ITFG1: variants seen among roughly 807,000 people sequenced by gnomAD.
ITFG1 encodes T-cell immunomodulatory protein.
Under a neutral mutation model 81.8 loss-of-function variants are expected in ITFG1, and 34 were observed. The observed-to-expected ratio is 0.42, with a 90% CI of 0.32 to 0.55. The LOEUF is 0.55. Among genes scored for constraint, ITFG1 ranks in the 20% least tolerant of loss-of-function variants. The pLI, the probability that ITFG1 is intolerant of heterozygous loss-of-function variation, is 0.17. For missense variants in ITFG1, 672 were observed against 755.4 expected (o/e 0.89, Z 1.29); for synonymous variants, 285 against 270.6 (o/e 1.05, Z -0.52).
chr16:47,356,900 T>C (rs1968047240), intron 8 of ITFG1, among the ~76,000 whole-genome samples: 1 of 152,192 alleles, frequency 6.6e-6, no homozygotes, highest in South Asian at 2.1e-4. Context: ...CTCTGACTCA[T>C]GGCAGGGAAT....
intron 14 of ITFG1, among the ~76,000 whole-genome samples, chr16:47,211,098 C>T (rs189894860): frequency 6.6e-6 from 1 of 152,250 alleles, no homozygotes. Flanking sequence ...TGTGTTAAAC[C>T]TGCAAGGCAA....
intron 14 of ITFG1, among the ~76,000 whole-genome samples, chr16:47,180,926 C>T (rs1965102429): frequency 6.6e-6 from 1 of 150,872 alleles, no homozygotes; most frequent in Admixed American, 6.6e-5. Context: ...GCCATCCTGT[C>T]TAGGAAGTGA....
At chr16:47,235,888 C>A (rs1965867764) in intron 13 of ITFG1, among the ~76,000 whole-genome samples, 1 of 152,098 alleles carries the variant, frequency 6.6e-6, no homozygotes, top group Admixed American at 6.5e-5. Context: ...TGTTTACATG[C>A]TGATAAAATT....
chr16:47,411,383 C>T (rs1337538728), intron 6 of ITFG1, among the ~76,000 whole-genome samples: 2 of 152,048 alleles, frequency 1.3e-5, no homozygotes, highest in African/African-American at 4.8e-5. Flanking sequence ...CTGGTTGGGG[C>T]AGATACCGGG....
chr16:47,223,595 G>A (rs1965720747), intron 13 of ITFG1, among the ~76,000 whole-genome samples: 1 of 152,060 alleles, frequency 6.6e-6, no homozygotes, highest in African/African-American at 2.4e-5. Flanking sequence ...GGAGAAATAG[G>A]AACACTTTTA....
At chr16:47,265,062 A>C (rs1966259693) in intron 10 of ITFG1, among the ~76,000 whole-genome samples, 1 of 152,104 alleles carries the variant, frequency 6.6e-6, no homozygotes, top group Non-Finnish European at 1.5e-5. Flanking sequence ...TAAAGTGTTC[A>C]GTATAGTGCC....
At chr16:47,450,400 A>G in intron 5 of ITFG1, 1 of 395,800 alleles carries the variant, frequency 2.5e-6, no homozygotes, top group Non-Finnish European at 4.9e-6. Flanking sequence ...ACCAGGTCTG[A>G]CCTTGGTTAG....
chr16:47,379,989 A>G (rs1432001686), intron 6 of ITFG1, among the ~76,000 whole-genome samples: 1 of 151,584 alleles, frequency 6.6e-6, no homozygotes, highest in African/African-American at 2.4e-5. Flanking sequence ...ACAAAGGCTG[A>G]ACATGATTGA....
intron 8 of ITFG1, among the ~76,000 whole-genome samples, chr16:47,328,411 T>C (rs1240456048): frequency 1.3e-5 from 2 of 152,062 alleles, no homozygotes; most frequent in Non-Finnish European, 2.9e-5. Context: ...ACATGGCACA[T>C]GTATACATAT....
At chr16:47,284,848 T>C (rs755181067) in intron 10 of ITFG1, among the ~76,000 whole-genome samples, 6 of 152,222 alleles carry the variant, frequency 3.9e-5, no homozygotes, top group Non-Finnish European at 8.8e-5. Context: ...AACCCAAAGC[T>C]TGTATAATTT....
intron 10 of ITFG1, among the ~76,000 whole-genome samples, chr16:47,288,995 T>C: frequency 6.6e-6 from 1 of 152,240 alleles, no homozygotes; most frequent in South Asian, 2.1e-4. Flanking sequence ...AGGTTTGTCA[T>C]ATATATCCTT....
At chr16:47,452,835 AT>A (rs1182719061) in intron 3 of ITFG1, 45 bp from the exon 4 acceptor site, 3 of 982,124 alleles carry the variant, frequency 3.1e-6, no homozygotes, top group Non-Finnish European at 4.5e-6. Context: ...GGCATTTTAT[AT>A]TACTTTTGAT....
At chr16:47,349,541 A>G (rs1206471661) in intron 8 of ITFG1, among the ~76,000 whole-genome samples, 1 of 152,194 alleles carries the variant, frequency 6.6e-6, no homozygotes, top group Non-Finnish European at 1.5e-5. Context: ...CCAATACAGG[A>G]GCACCCAGAT....
intron 10 of ITFG1, among the ~76,000 whole-genome samples, chr16:47,301,432 C>T (rs566965504): frequency 3.4e-4 from 51 of 150,072 alleles, no homozygotes; most frequent in Non-Finnish European, 6.1e-4. Context: ...TGAGATGGCA[C>T]TGTCGCCCAG....
intron 7 of ITFG1, among the ~76,000 whole-genome samples, chr16:47,368,749 TA>T (rs1968212317): frequency 1.3e-5 from 2 of 152,066 alleles, no homozygotes; most frequent in African/African-American, 2.4e-5. Context: ...TGAATTTTGG[TA>T]AATATATCTA....
chr16:47,300,117 C>T (rs1468448876), intron 10 of ITFG1, among the ~76,000 whole-genome samples: 1 of 152,134 alleles, frequency 6.6e-6, no homozygotes, highest in Non-Finnish European at 1.5e-5. Context: ...GTATGATTCC[C>T]CAGTGGGAAA....
At chr16:47,173,202 C>G (rs1366225671) in intron 14 of ITFG1, among the ~76,000 whole-genome samples, 1 of 152,126 alleles carries the variant, frequency 6.6e-6, no homozygotes, top group African/African-American at 2.4e-5. Context: ...AATCCCAATC[C>G]CTTTTACTCT....
intron 8 of ITFG1, among the ~76,000 whole-genome samples, chr16:47,357,105 C>T (rs1275789432): frequency 6.6e-6 from 1 of 151,448 alleles, no homozygotes; most frequent in Non-Finnish European, 1.5e-5. Context: ...CTCCATTTAT[C>T]ATAGATCAAT....
At chr16:47,169,812 T>C (rs1480783821) in intron 14 of ITFG1, among the ~76,000 whole-genome samples, 3 of 152,228 alleles carry the variant, frequency 2.0e-5, no homozygotes, top group Admixed American at 2.0e-4. Flanking sequence ...TGATATTAGC[T>C]GTGATTTTTC....
Sources: gnomAD v4.1 joint callset for allele counts (sites outside exome capture counted in the v4.1 genomes callset) on GRCh38, gnomAD v4.1.1 for gene constraint, MANE v1.5 for transcripts, NCBI Gene and HGNC (gene_info 2026-07-23, HGNC 2026-07-21) for gene names.